The following ZBTB7C variants were observed in gnomAD, a reference collection of about 807,000 sequenced individuals.
ZBTB7C encodes the protein zinc finger and BTB domain-containing protein 7C.
Under a neutral mutation model 25.7 loss-of-function variants are expected in ZBTB7C, and 8 were observed. The observed-to-expected ratio is 0.31, with a 90% CI of 0.18 to 0.56. The LOEUF is 0.56. Among genes scored for constraint, ZBTB7C ranks in the 20% least tolerant of loss-of-function variants. The pLI, the probability that ZBTB7C is intolerant of heterozygous loss-of-function variation, is 0.91. For synonymous variants in ZBTB7C, 394 were observed against 369.0 expected, an observed-to-expected ratio of 1.07 and a Z score of -0.78; for missense variants, 824 against 855.2, an observed-to-expected ratio of 0.96 and a Z score of 0.46.
chr18:48,115,982 TGA>T (rs2039424660), intron 3 of ZBTB7C, among the ~76,000 whole-genome samples: 1 of 152,042 alleles, frequency 6.6e-6, no homozygotes, highest in South Asian at 2.1e-4. Flanking sequence ...TTTCTTAAAC[TGA>T]GAGAGGGGTT....
chr18:48,234,325 A>G (rs2043324684), intron 2 of ZBTB7C, among the ~76,000 whole-genome samples: 1 of 152,188 alleles, frequency 6.6e-6, no homozygotes, highest in Admixed American at 6.5e-5. Flanking sequence ...TTTTTAATTT[A>G]TAATTTTAAT....
intron 3 of ZBTB7C, among the ~76,000 whole-genome samples, chr18:48,087,406 G>A (rs2038230772): frequency 6.6e-6 from 1 of 152,212 alleles, no homozygotes; most frequent in African/African-American, 2.4e-5. Flanking sequence ...AATAAGCTAT[G>A]TTCTTATGCT....
chr18:48,083,853 T>C (rs2038083089), intron 3 of ZBTB7C: 11 of 985,348 alleles, frequency 1.1e-5, no homozygotes, highest in Non-Finnish European at 1.3e-5. Context: ...GAACTTACTT[T>C]CCCCTCCTAT....
intron 3 of ZBTB7C, among the ~76,000 whole-genome samples, chr18:48,058,592 C>A (rs1270040128): frequency 3.3e-5 from 5 of 152,206 alleles, no homozygotes; most frequent in Non-Finnish European, 7.3e-5. Context: ...GACACCTTCT[C>A]CTCTAAGCTA....
chr18:48,130,304 C>G (rs753640250), intron 3 of ZBTB7C, among the ~76,000 whole-genome samples: 1 of 151,992 alleles, frequency 6.6e-6, no homozygotes, highest in Non-Finnish European at 1.5e-5. Context: ...CATTCTGGGC[C>G]GCTATTAGAA....
chr18:48,145,393 C>T (rs2040468265), intron 3 of ZBTB7C, among the ~76,000 whole-genome samples: 2 of 152,186 alleles, frequency 1.3e-5, no homozygotes, highest in East Asian at 1.9e-4. Context: ...ACCATTGACA[C>T]TTCAGCCCCT....
chr18:48,186,908 C>T (rs2042069695), intron 2 of ZBTB7C, among the ~76,000 whole-genome samples: 1 of 152,182 alleles, frequency 6.6e-6, no homozygotes, highest in Non-Finnish European at 1.5e-5. Context: ...CATTTGCTAC[C>T]TCAGCGAGGG....
At chr18:48,237,995 A>G (rs1347570017) in intron 2 of ZBTB7C, among the ~76,000 whole-genome samples, 7 of 152,226 alleles carry the variant, frequency 4.6e-5, no homozygotes, top group East Asian at 1.9e-4. Flanking sequence ...ATGACCTAAA[A>G]TAATATATAT....
chr18:48,330,653 T>TA (rs764929749), intron 2 of ZBTB7C, among the ~76,000 whole-genome samples: 26,687 of 142,772 alleles, frequency 0.19, 2,503 homozygotes, highest in Non-Finnish European at 0.24. Flanking sequence ...TTTCTGTATT[T>TA]AAAAAAAAAA....
intron 2 of ZBTB7C, among the ~76,000 whole-genome samples, chr18:48,238,072 G>A (rs1215734477): frequency 6.6e-6 from 1 of 152,076 alleles, no homozygotes; most frequent in Non-Finnish European, 1.5e-5. Context: ...TGAAAACACA[G>A]CTGGTAAGAG....
chr18:48,238,994 G>A (rs964576753), intron 2 of ZBTB7C, among the ~76,000 whole-genome samples: 1 of 152,142 alleles, frequency 6.6e-6, no homozygotes, highest in Non-Finnish European at 1.5e-5. Context: ...CTGTGTGGGA[G>A]CTTGGTGAAG....
At chr18:48,095,087 TAACCAGGTGGGAATTTGA>T (rs2038568127) in intron 3 of ZBTB7C, among the ~76,000 whole-genome samples, 1 of 152,152 alleles carries the variant, frequency 6.6e-6, no homozygotes, top group African/African-American at 2.4e-5. Flanking sequence ...CTCCTGGTAG[TAACCAGGTGGGAATTTGA>T]ACTTTGGCAA....
intron 3 of ZBTB7C, among the ~76,000 whole-genome samples, chr18:48,176,713 A>G (rs965614934): frequency 2.6e-5 from 4 of 152,222 alleles, no homozygotes; most frequent in Non-Finnish European, 5.9e-5. Flanking sequence ...ATATAAGAAT[A>G]CAAGGATATT....
chr18:48,304,380 A>G (rs1811868562), intron 2 of ZBTB7C, among the ~76,000 whole-genome samples: 1 of 152,214 alleles, frequency 6.6e-6, no homozygotes, highest in Non-Finnish European at 1.5e-5. Context: ...CTGTTGTTAA[A>G]AAAAGATAGC....
At chr18:48,306,658 A>C (rs9951719) in intron 2 of ZBTB7C, among the ~76,000 whole-genome samples, 26,789 of 151,972 alleles carry the variant, frequency 0.18, 2,421 homozygotes, top group African/African-American at 0.2. Context: ...TTATCACAAC[A>C]CAAATCTCTG....
At chr18:48,118,726 A>G (rs888862999) in intron 3 of ZBTB7C, among the ~76,000 whole-genome samples, 1 of 152,244 alleles carries the variant, frequency 6.6e-6, no homozygotes, top group Non-Finnish European at 1.5e-5. Context: ...TCTATGAGTG[A>G]TTAGGAAATG....
At chr18:48,236,085 G>A (rs1259314560) in intron 2 of ZBTB7C, among the ~76,000 whole-genome samples, 1 of 152,066 alleles carries the variant, frequency 6.6e-6, no homozygotes, top group Non-Finnish European at 1.5e-5. Context: ...TCAGCCTTCT[G>A]TGTCTCTTCG....
chr18:48,186,635 C>T (rs73955223), intron 2 of ZBTB7C, among the ~76,000 whole-genome samples: 5,011 of 152,228 alleles, frequency 0.033, 257 homozygotes, highest in African/African-American at 0.11. Context: ...GTGAATTCTC[C>T]TGCATTTCGC....
chr18:48,320,950 G>T (rs780546598), intron 2 of ZBTB7C, among the ~76,000 whole-genome samples: 2 of 152,238 alleles, frequency 1.3e-5, no homozygotes, highest in African/African-American at 4.8e-5. Flanking sequence ...CAGGGGTCCT[G>T]TTGTGTCCTC....
Sources: allele counts gnomAD v4.1 joint callset (sites outside exome capture counted in the v4.1 genomes callset), GRCh38; gene constraint gnomAD v4.1.1; transcripts MANE v1.5; gene names NCBI Gene and HGNC (gene_info 2026-07-23, HGNC 2026-07-21).